Variants in DNAH5 observed in about 807,000 individuals in gnomAD.
DNAH5 encodes the protein axonemal beta dynein heavy chain 5.
DNAH5 carries 372 observed loss-of-function variants against 518.2 expected under a neutral mutation model. That is an observed-to-expected ratio of 0.72 (90% CI 0.66 to 0.78). The LOEUF (loss-of-function observed/expected upper bound fraction) is 0.78, where lower values mean the gene tolerates loss of function less well. DNAH5 is among the 30% of genes least tolerant of loss of function. DNAH5 has a pLI of 0.00. For missense variants in DNAH5, 5,523 were observed against 5,687.0 expected (o/e 0.97, Z 0.93); for synonymous variants, 2,039 against 2,025.9 (o/e 1.01, Z -0.17).
At position 13,855,427 on chromosome 5, in the gene DNAH5, C is replaced by G. The variant is rs1767488154; in HGVS notation, c.4950+4025G>C. On this transcript the variant is annotated intron_variant, in intron 30 of 78. Coordinates refer to ENST00000265104, the MANE Select transcript of DNAH5 (RefSeq NM_001369.3). Reference sequence around the variant, plus strand: ...GTTTCACCGTTTTAGCCGGGATGGTCTCGATCTCCTGACCTCGTGATCCGC... The same window carrying G: ...GTTTCACCGTTTTAGCCGGGATGGTGTCGATCTCCTGACCTCGTGATCCGC... Among the ~76,000 whole-genome samples, 4 of 51,380 alleles carry G rather than the reference C, an allele frequency of 7.8e-5. 2 individuals carry two copies. Among genetic ancestry groups the G allele is most frequent in the Non-Finnish European group, 1.9e-4 (4 of 20,566 alleles). 33.7% of individuals were successfully genotyped at this position (51,380 alleles called of 152,430 possible).
chr5:13,755,977 G>GT (rs1381538198), intron 61 of DNAH5, among the ~76,000 whole-genome samples: 1 of 152,170 alleles, frequency 6.6e-6, no homozygotes, highest in Admixed American at 6.5e-5. Context: ...AAAGAAAGCC[G>GT]TAAGTTCCGT....
chr5:13,751,038 T>G (rs368602312), intron 65 of DNAH5, 40 bp downstream of exon 65: 11 of 1,602,070 alleles, frequency 6.9e-6, no homozygotes, highest in South Asian at 1.1e-5. Flanking sequence ...AATATGACAT[T>G]AAAGCAATGC....
chr5:13,793,376 T>G (rs1757303283), intron 49 of DNAH5, 139 bp downstream of exon 49: 1 of 725,834 alleles, frequency 1.4e-6, no homozygotes, highest in African/African-American at 1.7e-5. Flanking sequence ...TGAAATACAC[T>G]GCTTGAGAGT....
rs371712955 is a variant in DNAH5, at chr5:13,943,306, C to T, written c.57+1076G>A. On this transcript the variant is annotated intron_variant, in intron 1 of 78. Coordinates refer to ENST00000265104, the MANE Select transcript of DNAH5 (RefSeq NM_001369.3). ...AGATTATTTTAAAATGGAGAGAACTCGCAATCTAGCAAGAGAAAGAGACAT... is the reference window on the plus strand; with the variant it reads ...AGATTATTTTAAAATGGAGAGAACTTGCAATCTAGCAAGAGAAAGAGACAT... 3.3e-5 allele frequency among the ~76,000 whole-genome samples: 5 copies of T among 152,114 alleles called. No individual in the cohort carries two copies. In the East Asian group the frequency reaches 5.8e-4, roughly 18 times the overall value.
chr5:13,922,048 A>C, intron 5 of DNAH5, 59 bp downstream of exon 5: 1 of 1,545,710 alleles, frequency 6.5e-7, no homozygotes. Flanking sequence ...TTACACACTT[A>C]TGTACTGTGC....
intron 22 of DNAH5, among the ~76,000 whole-genome samples, chr5:13,873,895 A>T (rs1770502361): frequency 6.6e-6 from 1 of 151,866 alleles, no homozygotes; most frequent in African/African-American, 2.4e-5. Flanking sequence ...ATGAAAAACA[A>T]ATTTAGCTGA....
In DNAH5 at chr5:13,830,636, C is replaced by T; in HGVS notation, c.6022G>A (p.Asp2008Asn). The T allele has an allele frequency of 1.2e-6, 2 of 1,614,200 alleles. No individual in the cohort carries two copies. Among genetic ancestry groups the T allele is most frequent in the Non-Finnish European group, 1.7e-6 (2 of 1,180,044 alleles). Reference sequence around the variant, plus strand: ...CCAAGTCCTCGGAAATCCATCTGGTCTGAACAATTGAAAACCACGACGTAT... The same window carrying T: ...CCAAGTCCTCGGAAATCCATCTGGTTTGAACAATTGAAAACCACGACGTAT... ...GKYVVVFNCSDQMDFRGLGRI... is the reference protein window; with the variant it reads ...GKYVVVFNCSNQMDFRGLGRI... The change falls in exon 36 of 79, where the codon GAC becomes AAC. Residue 2008 changes from aspartate to asparagine, a missense_variant. This residue lies in a region of DNAH5 where 5,121 missense variants were observed against 5,223.3 expected (regional missense o/e 0.98). Transcript: ENST00000265104.
chr5:13,761,659 T>C (rs1423270943), intron 60 of DNAH5, among the ~76,000 whole-genome samples: 1 of 152,200 alleles, frequency 6.6e-6, no homozygotes, highest in Non-Finnish European at 1.5e-5. Flanking sequence ...GACTGTACTT[T>C]TCACTTGATA....
chr5:13,838,420 C>T (rs1057335130), intron 35 of DNAH5, among the ~76,000 whole-genome samples: 1 of 152,170 alleles, frequency 6.6e-6, no homozygotes, highest in African/African-American at 2.4e-5. Flanking sequence ...ACCGCCTGAG[C>T]TCTGCCTCCT....
intron 31 of DNAH5, among the ~76,000 whole-genome samples, chr5:13,848,304 T>C (rs1257331081): frequency 6.6e-6 from 1 of 152,224 alleles, no homozygotes; most frequent in East Asian, 1.9e-4. Flanking sequence ...GACGTTGGCG[T>C]TGGCTATGGC....
intron 1 of DNAH5, among the ~76,000 whole-genome samples, chr5:13,964,059 G>A (rs942134251): frequency 2.0e-5 from 3 of 152,196 alleles, no homozygotes; most frequent in African/African-American, 4.8e-5. Flanking sequence ...ATAAGCAGTA[G>A]GCTAAAACAC....
Position 13,829,647 on chromosome 5 carries a change from A to C in DNAH5, c.6307T>G (p.Ser2103Ala). The C allele has an allele frequency of 6.2e-7, 1 of 1,614,216 alleles. No homozygotes were observed. Among genetic ancestry groups the C allele is most frequent in the Non-Finnish European group, 8.5e-7 (1 of 1,180,036 alleles). ...CGGTCAGGCACCATCATGGCCACTG[A>C]GCGGAAATTAATCTTCAAGTTTTCA... Reference protein sequence around the residue: ...LPENLKINFRSVAMMVPDRQI... With the variant: ...LPENLKINFRAVAMMVPDRQI... The change falls in exon 38 of 79, where the codon TCA (serine) becomes GCA (alanine). Residue 2103 changes from serine to alanine, a missense_variant. By Grantham distance (99) the Ser-to-Ala change is moderately conservative (BLOSUM62 1). Coordinates refer to ENST00000265104, the MANE Select transcript of DNAH5 (RefSeq NM_001369.3).
intron 1 of DNAH5, among the ~76,000 whole-genome samples, chr5:13,995,095 T>C (rs2919647): frequency 0.1 from 15,290 of 152,162 alleles, 1,694 homozygotes; most frequent in African/African-American, 0.27. Flanking sequence ...TAATCACATG[T>C]GTTTTTGTGC....
chr5:13,979,559 AG>A (rs1304429904), intron 1 of DNAH5, among the ~76,000 whole-genome samples: 15 of 152,244 alleles, frequency 9.9e-5, no homozygotes, highest in Non-Finnish European at 2.2e-4. Flanking sequence ...CACCAGCCCC[AG>A]CAGCTCCCTT....
chr5:13,960,658 G>A (rs988293128), intron 1 of DNAH5, among the ~76,000 whole-genome samples: 1 of 152,174 alleles, frequency 6.6e-6, no homozygotes, highest in Admixed American at 6.5e-5. Context: ...ACTTGGCTGT[G>A]CCTCTCTTCT....
In DNAH5 at chr5:13,716,622, G is replaced by A. The variant is rs199639743; in HGVS notation, c.12774C>T (p.Asp4258=). The A allele has an allele frequency of 6.2e-7, 1 of 1,613,874 alleles. No homozygotes were observed. Among genetic ancestry groups the A allele is most frequent in the African/African-American group, 1.3e-5 (1 of 75,042 alleles). The change falls in exon 74 of 79, where the codon GAC becomes GAT. Residue 4258 remains aspartate (D), a synonymous_variant. Transcript: ENST00000265104. ...EIQYGGRVTD[D]YDKRLLNTFA... ...ATGTGTTCAACAATCTCTTATCATA[G>A]TCGTCAGTGACTCTGCCTCCATATT... is the stretch of plus-strand genomic sequence containing the variant.
chr5:13,752,416 A>T, intron 63 of DNAH5, 127 bp from the exon 64 acceptor site: 4 of 1,137,718 alleles, frequency 3.5e-6, no homozygotes, highest in Admixed American at 1.8e-5. Flanking sequence ...AGCATCCAAA[A>T]TGTTCCCAAA....
In DNAH5 at chr5:13,769,474, G is replaced by C. The variant is rs766991656; in HGVS notation, c.9720+27C>G. The C allele has an allele frequency of 1.9e-6, 3 of 1,559,530 alleles. No homozygotes were observed. The South Asian group carries it at 3.3e-5, about 17-fold the overall frequency. ...TGTGAACTGAGAATTCAAAAGGAATGTGGCACATGTGTAAATGCCCACCCA... is the reference window on the plus strand; with the variant it reads ...TGTGAACTGAGAATTCAAAAGGAATCTGGCACATGTGTAAATGCCCACCCA... On this transcript the variant is annotated intron_variant, in intron 57 of 78. Transcript: ENST00000265104.
Position 13,766,155 on chromosome 5 carries a change from T to C in DNAH5, c.9922A>G (p.Thr3308Ala), listed in dbSNP as rs2126762869. The C allele has an allele frequency of 6.2e-7, 1 of 1,614,194 alleles. No homozygotes were observed. Among genetic ancestry groups the C allele is most frequent in the Non-Finnish European group, 8.5e-7 (1 of 1,180,008 alleles). ...LQTIRPSDIA[T>A]VRTLGRPPHL... is the part of the protein sequence containing the mutation. ...GGGGGGCGGCCCAACGTGCGAACAG[T>C]GGCGATGTCCGAAGGCCTGATGGTC... is the stretch of plus-strand genomic sequence containing the variant. Residue 3308 changes from threonine to alanine, a missense_variant, in exon 59 of 79, where the codon ACT becomes GCT. Transcript: ENST00000265104.
Sources: allele counts gnomAD v4.1 joint callset (sites outside exome capture counted in the v4.1 genomes callset), GRCh38; gene constraint gnomAD v4.1.1; regional missense constraint gnomAD v4.1.1; transcripts MANE v1.5; gene names NCBI Gene and HGNC (gene_info 2026-07-23, HGNC 2026-07-21).